Variants in KLKB1 observed in about 807,000 individuals in gnomAD.
The protein encoded by KLKB1 is kallikrein B1, also known as plasma kallikrein.
A neutral mutation model predicts 73.6 loss-of-function variants in KLKB1; 58 were observed. That is an observed-to-expected ratio of 0.79 (90% CI 0.64 to 0.98). KLKB1 has a LOEUF of 0.98. Ranked by LOEUF, KLKB1 falls within the 50% of genes least tolerant of loss-of-function variation. The pLI is 0.00. For synonymous variants in KLKB1, 280 were observed against 258.1 expected (o/e 1.08, Z -0.81); for missense variants, 737 against 763.8 (o/e 0.96, Z 0.41).
chr4:186,211,655 A>AT (rs1374058222), intron 2 of KLKB1: 2 of 85,274 alleles, frequency 2.3e-5, no homozygotes, highest in Non-Finnish European at 4.8e-5. Flanking sequence ...TGACTCAGGA[A>AT]TACACACATA....
At chr4:186,229,921 CT>C (rs1159540931) in intron 2 of KLKB1, among the ~76,000 whole-genome samples, 7 of 152,080 alleles carry the variant, frequency 4.6e-5, no homozygotes, top group Non-Finnish European at 8.8e-5. Context: ...CTTTAGACAT[CT>C]AGAAATAAGA....
Position 186,258,315 on chromosome 4 carries a change from G to T in KLKB1, c.*103G>T. The T allele has an allele frequency of 9.9e-7, 1 of 1,015,220 alleles. No individual in the cohort carries two copies. Among genetic ancestry groups the T allele is most frequent in the Admixed American group, 2.0e-5 (1 of 50,448 alleles). 62.9% of individuals were successfully genotyped at this position (1,015,220 alleles called of 1,614,324 possible). On this transcript the variant is annotated 3_prime_UTR_variant, in exon 15 of 15. Transcript: ENST00000264690. ...AAGCATGGAGAGTGGCATCTTCTTT[G>T]CATCCTAAGGACGAAAAACACAGTG... is the stretch of plus-strand genomic sequence containing the variant.
intron 11 of KLKB1, among the ~76,000 whole-genome samples, chr4:186,252,439 C>T (rs1241404458): frequency 6.6e-6 from 1 of 151,812 alleles, no homozygotes; most frequent in Non-Finnish European, 1.5e-5. Context: ...CAGTACCCCA[C>T]TCCTCCAACC....
chr4:186,257,482 C>A, intron 14 of KLKB1, 117 bp downstream of exon 14: 2 of 815,254 alleles, frequency 2.5e-6, no homozygotes, highest in Non-Finnish European at 3.6e-6. Flanking sequence ...GACAAATGAT[C>A]TGATAAATTG....
At chr4:186,232,004 T>A (rs1022670455) in intron 2 of KLKB1, 123 bp from the exon 3 acceptor site, 8 of 668,850 alleles carry the variant, frequency 1.2e-5, no homozygotes, top group Non-Finnish European at 2.0e-5. Context: ...CTCAGCATAA[T>A]TAGAGTTGTA....
At chr4:186,236,154 G>C (rs1448292717) in intron 4 of KLKB1, among the ~76,000 whole-genome samples, 1 of 149,978 alleles carries the variant, frequency 6.7e-6, no homozygotes, top group South Asian at 2.1e-4. Context: ...TTGCTTCACT[G>C]TCTGTGAAAA....
At chr4:186,245,002 A>G (rs1156492083) in intron 6 of KLKB1, among the ~76,000 whole-genome samples, 1 of 152,090 alleles carries the variant, frequency 6.6e-6, no homozygotes, top group Admixed American at 6.6e-5. Context: ...GAGGCTTTGA[A>G]CTGGGGAAAG....
At chr4:186,212,095 C>A (rs963381797) in intron 2 of KLKB1, 1 of 152,062 alleles carries the variant, frequency 6.6e-6, no homozygotes, top group African/African-American at 2.4e-5. Context: ...AGTTTCTGCC[C>A]AAAGTCATGT....
At position 186,218,439 on chromosome 4, in the gene KLKB1, G is replaced by A. The variant is rs1029703096; in HGVS notation, c.201+9167G>A. On this transcript the variant is annotated intron_variant, in intron 2 of 14. Coordinates refer to the KLKB1 transcript ENST00000511608. ...AGCATTTTTTAAAATGGAAACCTGT[G>A]CATAAACTGTGTGACCCTAAAATGA... Among the ~76,000 whole-genome samples the A allele has an allele frequency of 2.0e-5, 3 of 152,292 alleles. No individual in the cohort carries two copies. The East Asian group carries it at 5.8e-4, about 29-fold the overall frequency.
At chr4:186,239,360 TG>T (rs1283407496) in intron 6 of KLKB1, among the ~76,000 whole-genome samples, 1 of 151,328 alleles carries the variant, frequency 6.6e-6, no homozygotes, top group Non-Finnish European at 1.5e-5. Flanking sequence ...ACTAGTACAG[TG>T]ATACTGTTAG....
intron 6 of KLKB1, among the ~76,000 whole-genome samples, chr4:186,242,047 G>A (rs4253264): frequency 1.1e-4 from 16 of 152,202 alleles, no homozygotes; most frequent in African/African-American, 2.6e-4. Flanking sequence ...GGCTGAGTCC[G>A]AAAAGAGAGT....
chr4:186,228,045 C>CT, intron 1 of KLKB1, 150 bp from the exon 2 acceptor site: 1 of 603,890 alleles, frequency 1.7e-6, no homozygotes, highest in Admixed American at 2.8e-5. Context: ...CACAAATGTA[C>CT]CAAAAAAAAA....
At chr4:186,252,269 T>C in intron 11 of KLKB1, 84 bp downstream of exon 11, 1 of 1,413,546 alleles carries the variant, frequency 7.1e-7, no homozygotes, top group Non-Finnish European at 9.9e-7. Context: ...CACCGCCATG[T>C]GACTTTATGA....
Position 186,236,882 on chromosome 4 carries a change from A to T in KLKB1, c.430A>T (p.Asn144Tyr), listed in dbSNP as rs146204944. 3.1e-6 allele frequency: 5 copies of T among 1,614,140 alleles called. No homozygotes were observed. The highest frequency in any genetic ancestry group is 4.2e-6 in the Non-Finnish European group (5 of 1,180,012). Residue 144 changes from asparagine to tyrosine, a missense_variant, in exon 5 of 15, where the codon AAC (asparagine) becomes TAC (tyrosine). Physicochemically the swap from Asn to Tyr is moderately radical, Grantham distance 143 (BLOSUM62 -2). Transcript: ENST00000264690. ...AGAATGCCAAAAAAGGTGCACCAGT[A>T]ACATTCGCTGCCAGTTTTTTTCATA... ...VEECQKRCTS[N>Y]IRCQFFSYAT...
intron 6 of KLKB1, among the ~76,000 whole-genome samples, chr4:186,239,729 T>G (rs1378444043): frequency 1.3e-5 from 1 of 77,386 alleles, no homozygotes; most frequent in Non-Finnish European, 2.5e-5. Context: ...GTGATATTGT[T>G]ATAGTTATAG....
chr4:186,240,566 T>A (rs1262999442), intron 6 of KLKB1, among the ~76,000 whole-genome samples: 3 of 152,232 alleles, frequency 2.0e-5, no homozygotes, highest in Non-Finnish European at 4.4e-5. Context: ...GTCAGGATGT[T>A]AATGACAAGA....
intron 6 of KLKB1, among the ~76,000 whole-genome samples, chr4:186,239,970 TATA>T (rs1737930232): frequency 6.7e-6 from 1 of 150,120 alleles, no homozygotes; most frequent in African/African-American, 2.4e-5. Context: ...CTGTTAGAGT[TATA>T]GGTACAGTGA....
upstream of KLKB1, among the ~76,000 whole-genome samples, chr4:186,224,428 T>A (rs1199302512): frequency 2.0e-5 from 3 of 152,242 alleles, no homozygotes; most frequent in East Asian, 1.9e-4. Context: ...GGGACAGAGC[T>A]GCCCAAGGCC....
At chr4:186,252,726 G>A (rs1382199451) in intron 11 of KLKB1, among the ~76,000 whole-genome samples, 16 of 92,352 alleles carry the variant, frequency 1.7e-4, no homozygotes, top group East Asian at 3.6e-4. Flanking sequence ...CACCGATCCC[G>A]CCACCAACCA....
Sources: allele counts gnomAD v4.1 joint callset (sites outside exome capture counted in the v4.1 genomes callset), GRCh38; gene constraint gnomAD v4.1.1; transcripts MANE v1.5; gene names NCBI Gene and HGNC (gene_info 2026-07-23, HGNC 2026-07-21).